The following HSD17B14 variants were observed in gnomAD, a reference collection of about 807,000 sequenced individuals.
HSD17B14 encodes the protein L-fucose dehydrogenase.
A neutral mutation model predicts 32.2 loss-of-function variants in HSD17B14; 32 were observed. The observed-to-expected ratio is 0.99, with a 90% CI of 0.75 to 1.33. HSD17B14 has a LOEUF of 1.33. Ranked by LOEUF, HSD17B14 falls within the 40% of genes most tolerant of loss-of-function variation. The pLI, the probability that HSD17B14 is intolerant of heterozygous loss-of-function variation, is 0.00. For synonymous variants in HSD17B14, 140 were observed against 155.4 expected (o/e 0.90, Z 0.74); for missense variants, 370 against 366.5 (o/e 1.01, Z -0.08).
At chr19:48,832,593 G>A in intron 4 of HSD17B14, 73 bp downstream of exon 4, 3 of 1,317,042 alleles carry the variant, frequency 2.3e-6, no homozygotes, top group Non-Finnish European at 3.3e-6. Context: ...GGCAGGGAGT[G>A]GGGAAACTGA....
chr19:48,822,290 GTGA>G (rs2122762380), intron 5 of HSD17B14, among the ~76,000 whole-genome samples: 1 of 147,714 alleles, frequency 6.8e-6, no homozygotes, highest in South Asian at 2.2e-4. Context: ...GATGAGGATG[GTGA>G]TGGTGGTGAT....
intron 6 of HSD17B14, among the ~76,000 whole-genome samples, chr19:48,814,109 C>A (rs1219301659): frequency 1.6e-4 from 25 of 151,796 alleles, no homozygotes; most frequent in Admixed American, 1.6e-3. Flanking sequence ...GCGTGAGAAT[C>A]GCTTGAACCC....
At chr19:48,835,922 G>A (rs1387509790) in intron 1 of HSD17B14, 79 bp from the exon 2 acceptor site, 7 of 1,334,680 alleles carry the variant, frequency 5.2e-6, no homozygotes, top group Non-Finnish European at 6.4e-6. Flanking sequence ...ACCTGGATTG[G>A]GGCTGATCTC....
chr19:48,821,464 G>T (rs760280215), intron 5 of HSD17B14, among the ~76,000 whole-genome samples: 1 of 152,218 alleles, frequency 6.6e-6, no homozygotes, highest in South Asian at 2.1e-4. Flanking sequence ...GTTTTCCCTA[G>T]CCTAGGGAGT....
intron 3 of HSD17B14, among the ~76,000 whole-genome samples, chr19:48,833,050 G>A (rs886153859): frequency 6.6e-6 from 1 of 151,682 alleles, no homozygotes; most frequent in Non-Finnish European, 1.5e-5. Flanking sequence ...GCCCAGCCCA[G>A]GAAATGTCCT....
chr19:48,817,988 A>G (rs925483201), intron 5 of HSD17B14, among the ~76,000 whole-genome samples: 3 of 152,136 alleles, frequency 2.0e-5, no homozygotes, highest in Non-Finnish European at 4.4e-5. Flanking sequence ...AAACCCATAA[A>G]CAAACAACAA....
In HSD17B14 at chr19:48,831,804, A is replaced by T. The variant is rs1314176665; in HGVS notation, c.278-45T>A. 2.6e-6 allele frequency: 3 copies of T among 1,143,162 alleles called. No individual in the cohort carries two copies. The Admixed American group carries it at 5.3e-5, about 20-fold the overall frequency. The allele number at this position is 1,143,162 out of a possible 1,614,324, so 70.8% of individuals were successfully genotyped here. A position where few individuals can be genotyped will look rare whatever the true frequency, so the allele number is the denominator to read the frequency against. On this transcript the variant is annotated intron_variant, in intron 4 of 8. Coordinates refer to ENST00000263278, the MANE Select transcript of HSD17B14 (RefSeq NM_016246.3). ...AGAGAGGAAAAGTGACGGGGGCTGG[A>T]CACAGTTGCCCACGCCTGTAATCCC...
intron 5 of HSD17B14, among the ~76,000 whole-genome samples, chr19:48,822,325 G>A (rs2035169415): frequency 6.7e-6 from 1 of 149,274 alleles, no homozygotes; most frequent in Admixed American, 6.7e-5. Flanking sequence ...TGGCAATGAT[G>A]GTGATGGTGA....
chr19:48,830,832 A>G (rs1225666116), intron 5 of HSD17B14, among the ~76,000 whole-genome samples: 2 of 148,934 alleles, frequency 1.3e-5, no homozygotes, highest in Non-Finnish European at 3.0e-5. Context: ...CTATTTATTT[A>G]TTTATTTATT....
intron 4 of HSD17B14, 100 bp from the exon 5 acceptor site, chr19:48,831,859 C>A: frequency 1.4e-6 from 1 of 709,690 alleles, no homozygotes; most frequent in East Asian, 2.6e-5. Flanking sequence ...GCAGGCGGAT[C>A]ATGAGGTCAG....
chr19:48,826,542 T>TATATATATATATATACAC, intron 5 of HSD17B14, among the ~76,000 whole-genome samples: 38 of 80,086 alleles, frequency 4.7e-4, no homozygotes, highest in African/African-American at 1.9e-3. Flanking sequence ...TATATATATA[T>TATATATATATATATACAC]ACACACACAC....
At position 48,826,542 on chromosome 19, in the gene HSD17B14, T is replaced by TATATATATACAC; in HGVS notation, c.369+5125_369+5126insGTGTATATATAT. Among the ~76,000 whole-genome samples, 94 of 80,112 alleles carry TATATATATACAC rather than the reference T, an allele frequency of 1.2e-3. 1 individual carries two copies. Among genetic ancestry groups the TATATATATACAC allele is most frequent in the African/African-American group, 3.8e-3 (73 of 19,084 alleles). 52.6% of individuals were successfully genotyped at this position (80,112 alleles called of 152,430 possible). On this transcript the variant is annotated intron_variant, in intron 5 of 8. Transcript: ENST00000263278. ...GAAAAGAAGAAAATATATATATATA[T>TATATATATACAC]ACACACACACACACACACACACACA...
Position 48,835,813 on chromosome 19 carries a change from T to C in HSD17B14, c.119A>G (p.Asp40Gly), listed in dbSNP as rs753940355. The part of the protein sequence containing the change: ...VNSGARVVIC[D>G]KDESGGRALE... ...GAGGGACCGTCACTCACCATCCTTGTCGCAGATAACCACTCGGGCCCCGCT... is the reference window on the plus strand; with the variant it reads ...GAGGGACCGTCACTCACCATCCTTGCCGCAGATAACCACTCGGGCCCCGCT... The change falls in exon 2 of 9, where the codon GAC becomes GGC. Residue 40 changes from aspartate to glycine, a missense_variant. By Grantham distance (94) the Asp-to-Gly change is moderately conservative (BLOSUM62 -1). Transcript: ENST00000263278. The C allele has an allele frequency of 4.3e-6, 7 of 1,613,650 alleles. No individual in the cohort carries two copies. Among genetic ancestry groups the C allele is most frequent in the Non-Finnish European group, 5.9e-6 (7 of 1,179,746 alleles).
intron 5 of HSD17B14, among the ~76,000 whole-genome samples, chr19:48,816,824 T>TTTCTTTCTTTCTTTCTTTCTTTC (rs1555775916): frequency 2.0e-5 from 1 of 50,828 alleles, no homozygotes; most frequent in African/African-American, 9.7e-5. Flanking sequence ...TCTTTCTTTC[T>TTTCTTTCTTTCTTTCTTTCTTTC]TTTCTTTCTC....
At chr19:48,814,509 C>T (rs7409368) in intron 6 of HSD17B14, among the ~76,000 whole-genome samples, 8,343 of 148,230 alleles carry the variant, frequency 0.056, 301 homozygotes, top group Admixed American at 0.1. Flanking sequence ...GCAATAAGAG[C>T]GAAACTCCAT....
rs537450207 is a variant in HSD17B14 at position 48,827,364 on chromosome 19, T to C, written c.369+4304A>G. Among the ~76,000 whole-genome samples, 3 of 152,034 alleles carry C rather than the reference T, an allele frequency of 2.0e-5. No homozygotes were observed. In the South Asian group the frequency reaches 6.2e-4, roughly 32 times the overall value. ...GGCAAGGACAGGGATTTTCTTCTGT[T>C]GTGTGTTCATAGCTGTATGCGCAGG... On this transcript the variant is annotated intron_variant, in intron 5 of 8. Transcript: ENST00000263278.
chr19:48,820,211 C>T (rs956663065), intron 5 of HSD17B14, among the ~76,000 whole-genome samples: 5 of 151,964 alleles, frequency 3.3e-5, no homozygotes, highest in African/African-American at 7.3e-5. Context: ...CAGTGGCTCC[C>T]GCCTGTAATC....
At position 48,813,292 on chromosome 19, in the gene HSD17B14, G is replaced by A. The variant is rs2034992612; in HGVS notation, c.696C>T (p.Ala232=). ...AEVGAAAVFL[A]SEANFCTGIE... ...TGCCCGTGCAGAAGTTGGCTTCGGA[G>A]GCCAGGAACACTGCCGCAGCCCCGA... The change falls in exon 9 of 9, where the codon GCC becomes GCT. Residue 232 remains alanine (A), a synonymous_variant. Transcript: ENST00000263278. The A allele has an allele frequency of 6.2e-7, 1 of 1,602,482 alleles. No individual in the cohort carries two copies. The highest frequency in any genetic ancestry group is 1.1e-5 in the South Asian group (1 of 89,240).
At chr19:48,822,058 GTGA>G (rs974536836) in intron 5 of HSD17B14, among the ~76,000 whole-genome samples, 31 of 151,132 alleles carry the variant, frequency 2.1e-4, no homozygotes, top group African/African-American at 7.3e-4. Context: ...GGTGATGATG[GTGA>G]TGATTGTGGT....
Sources: allele counts gnomAD v4.1 joint callset (sites outside exome capture counted in the v4.1 genomes callset), GRCh38; gene constraint gnomAD v4.1.1; transcripts MANE v1.5; gene names NCBI Gene and HGNC (gene_info 2026-07-23, HGNC 2026-07-21).